ZNF385D: variants seen among roughly 807,000 people sequenced by gnomAD.
ZNF385D encodes the protein zinc finger protein 659.
ZNF385D carries 15 observed loss-of-function variants against 35.8 expected under a neutral mutation model. The ratio of observed to expected loss-of-function variants is 0.42; its 90% CI spans 0.28 to 0.64. The LOEUF (loss-of-function observed/expected upper bound fraction) is 0.64. Ranked by LOEUF, ZNF385D falls within the 30% of genes least tolerant of loss-of-function variation. The pLI is 0.23. For synonymous variants in ZNF385D, 212 were observed against 186.8 expected (o/e 1.13, Z -1.10); for missense variants, 474 against 494.6 (o/e 0.96, Z 0.39).
In ZNF385D at chr3:21,750,938, A is replaced by T; in HGVS notation, c.-22T>A. On this transcript the variant is annotated 5_prime_UTR_variant, in exon 1 of 8. Transcript: ENST00000281523. ...TCATTAATCAGACAGCTGGAATCCC[A>T]CCGCGGTGTCTTCAGCATCAGCTCT... 1 of 1,613,990 alleles carries T rather than the reference A, an allele frequency of 6.2e-7. No individual in the cohort carries two copies. The highest frequency in any genetic ancestry group is 8.5e-7 in the Non-Finnish European group (1 of 1,179,996).
chr3:22,070,313 T>C lies in ZNF385D; in HGVS notation c.325+98504A>G, dbSNP rs915791048. 9.2e-5 allele frequency among the ~76,000 whole-genome samples: 14 copies of C among 152,268 alleles called. 1 individual carries two copies. Among genetic ancestry groups the C allele is most frequent in the Admixed American group, 5.9e-4 (9 of 15,296 alleles). On this transcript the variant is annotated intron_variant, in intron 3 of 5. Transcript: ENST00000494108. Reference sequence around the variant, plus strand: ...TTATATGCATATATTTCCTTTTATATATACATGAAAGGAAAGCAATATATA... The same window carrying C: ...TTATATGCATATATTTCCTTTTATACATACATGAAAGGAAAGCAATATATA...
intron 4 of ZNF385D, among the ~76,000 whole-genome samples, chr3:21,449,051 A>T (rs1310667977): frequency 6.6e-6 from 1 of 151,004 alleles, no homozygotes; most frequent in Admixed American, 6.6e-5. Flanking sequence ...TTATTTTAGC[A>T]TTAAGCAGCT....
chr3:21,910,725 G>T (rs539534046), intron 3 of ZNF385D, among the ~76,000 whole-genome samples: 1 of 151,420 alleles, frequency 6.6e-6, no homozygotes, highest in African/African-American at 2.4e-5. Flanking sequence ...GCCAGGGGAC[G>T]GGGGGCAGAG....
intron 3 of ZNF385D, among the ~76,000 whole-genome samples, chr3:22,142,161 A>G (rs1704545914): frequency 6.6e-6 from 1 of 152,134 alleles, no homozygotes; most frequent in South Asian, 2.1e-4. Flanking sequence ...CCACAGTATT[A>G]TTGGGTGTTG....
intron 2 of ZNF385D, among the ~76,000 whole-genome samples, chr3:22,275,321 C>T (rs1019185649): frequency 6.6e-6 from 1 of 152,090 alleles, no homozygotes; most frequent in Admixed American, 6.6e-5. Flanking sequence ...CAGCCAACAC[C>T]TTCACCTTGA....
chr3:22,362,112 A>G (rs1696436800), intron 2 of ZNF385D, among the ~76,000 whole-genome samples: 1 of 151,604 alleles, frequency 6.6e-6, no homozygotes. Flanking sequence ...CTTCTGAATT[A>G]TGGAAACTTT....
intron 3 of ZNF385D, among the ~76,000 whole-genome samples, chr3:21,978,017 A>T (rs2125360251): frequency 6.6e-6 from 1 of 152,360 alleles, no homozygotes; most frequent in Non-Finnish European, 1.5e-5. Context: ...TAGATACACC[A>T]GATATTAATA....
chr3:22,131,937 A>G (rs558436656), intron 3 of ZNF385D, among the ~76,000 whole-genome samples: 2 of 152,302 alleles, frequency 1.3e-5, no homozygotes, highest in Non-Finnish European at 2.9e-5. Flanking sequence ...TTTAAAATAA[A>G]ACAAGCCAGT....
At chr3:21,495,217 G>A (rs1705738797) in intron 4 of ZNF385D, among the ~76,000 whole-genome samples, 1 of 151,708 alleles carries the variant, frequency 6.6e-6, no homozygotes, top group Admixed American at 6.6e-5. Flanking sequence ...TCAGTGAAGG[G>A]TAAGAATGAT....
intron 3 of ZNF385D, among the ~76,000 whole-genome samples, chr3:21,847,275 C>T (rs1186427682): frequency 6.6e-6 from 1 of 151,996 alleles, no homozygotes; most frequent in Non-Finnish European, 1.5e-5. Context: ...TTGAATGCAT[C>T]ACATTATGTA....
intron 2 of ZNF385D, among the ~76,000 whole-genome samples, chr3:22,203,215 G>C (rs544536510): frequency 1.3e-5 from 2 of 152,230 alleles, no homozygotes; most frequent in Admixed American, 6.5e-5. Flanking sequence ...CAACAGGATA[G>C]GGCAATGGGC....
intron 3 of ZNF385D, among the ~76,000 whole-genome samples, chr3:22,045,824 G>A (rs35963336): frequency 1.3e-5 from 2 of 151,890 alleles, no homozygotes; most frequent in Admixed American, 6.6e-5. Context: ...GGCTACCTGG[G>A]GCCCCAGCTG....
At chr3:22,175,252 T>C (rs1200470615) in intron 2 of ZNF385D, among the ~76,000 whole-genome samples, 2 of 152,078 alleles carry the variant, frequency 1.3e-5, no homozygotes. Context: ...ATACGTCATT[T>C]TGCAGAAAGC....
chr3:21,782,935 A>T (rs2071548494), intron 3 of ZNF385D, among the ~76,000 whole-genome samples: 1 of 152,172 alleles, frequency 6.6e-6, no homozygotes, highest in South Asian at 2.1e-4. Context: ...AAAATTCGTT[A>T]TGCAATTATA....
chr3:22,135,535 G>C (rs1375126218), intron 3 of ZNF385D, among the ~76,000 whole-genome samples: 1 of 152,104 alleles, frequency 6.6e-6, no homozygotes, highest in African/African-American at 2.4e-5. Context: ...ACTCAACATA[G>C]TAAAAATGTC....
At position 21,539,829 on chromosome 3, in the gene ZNF385D, A is replaced by G. The variant is rs1002944559; in HGVS notation, c.276+24745T>C. On this transcript the variant is annotated intron_variant, in intron 3 of 7. Coordinates refer to ENST00000281523, the MANE Select transcript of ZNF385D (RefSeq NM_024697.3). This position sits in a 1 kb window ranked among gnomAD's most constrained non-coding sequence, Gnocchi z 4.0. Reference sequence around the variant, plus strand: ...ATGGGTTGGCTTGGAGAAATAAGAAATATTTTTACTACAAACACAGCATAA... The same window carrying G: ...ATGGGTTGGCTTGGAGAAATAAGAAGTATTTTTACTACAAACACAGCATAA... 1.3e-5 allele frequency among the ~76,000 whole-genome samples: 2 copies of G among 152,270 alleles called. No homozygotes were observed. Among genetic ancestry groups the G allele is most frequent in the African/African-American group, 4.8e-5 (2 of 41,572 alleles).
chr3:21,815,091 C>G (rs1051051197), intron 3 of ZNF385D, among the ~76,000 whole-genome samples: 1 of 152,148 alleles, frequency 6.6e-6, no homozygotes, highest in Middle Eastern at 3.4e-3. Context: ...CTACTGGGTA[C>G]GTAACGAAAT....
At chr3:22,062,456 G>A (rs1416348019) in intron 3 of ZNF385D, among the ~76,000 whole-genome samples, 3 of 152,140 alleles carry the variant, frequency 2.0e-5, no homozygotes, top group Non-Finnish European at 4.4e-5. Context: ...CATAACTAAG[G>A]AAATACTGCC....
At chr3:21,883,300 A>T (rs904903348) in intron 3 of ZNF385D, among the ~76,000 whole-genome samples, 1 of 152,052 alleles carries the variant, frequency 6.6e-6, no homozygotes, top group African/African-American at 2.4e-5. Context: ...AATATTTTTT[A>T]AAATAATTTA....
Sources: allele counts gnomAD v4.1 joint callset (sites outside exome capture counted in the v4.1 genomes callset), GRCh38; gene constraint gnomAD v4.1.1; non-coding constraint Gnocchi (gnomAD v3.1); transcripts MANE v1.5; gene names NCBI Gene and HGNC (gene_info 2026-07-23, HGNC 2026-07-21).